TRAPPC9: variants seen among roughly 807,000 people sequenced by gnomAD.
The protein encoded by TRAPPC9 is IKK2 binding protein.
In TRAPPC9, 83 loss-of-function variants were observed where a neutral mutation model predicts 124.0. The ratio of observed to expected loss-of-function variants is 0.67; its 90% confidence interval spans 0.56 to 0.80. The LOEUF is 0.80. Ranked by LOEUF, TRAPPC9 falls within the 30% of genes least tolerant of loss-of-function variation. The pLI is 0.00. For synonymous variants in TRAPPC9, 638 were observed against 617.5 expected (o/e 1.03, Z -0.49); for missense variants, 1,302 against 1,508.3 (o/e 0.86, Z 2.27).
chr8:140,295,405 T>C (rs1172785051), intron 11 of TRAPPC9, among the ~76,000 whole-genome samples: 2 of 152,166 alleles, frequency 1.3e-5, no homozygotes, highest in African/African-American at 4.8e-5. Flanking sequence ...AGTGGGGAGC[T>C]GCAGGGCCAG....
chr8:140,123,486 G>A (rs2061025332), intron 17 of TRAPPC9, among the ~76,000 whole-genome samples: 1 of 151,892 alleles, frequency 6.6e-6, no homozygotes, highest in African/African-American at 2.4e-5. Flanking sequence ...TCCCTGCCCT[G>A]CCCTCACAGC....
intron 19 of TRAPPC9, among the ~76,000 whole-genome samples, chr8:139,966,451 G>C (rs1252192312): frequency 6.6e-6 from 1 of 152,222 alleles, no homozygotes; most frequent in Non-Finnish European, 1.5e-5. Context: ...CTGCAGCGGT[G>C]GGGCTCCTGC....
chr8:140,410,132 C>T (rs1052423959), intron 5 of TRAPPC9, among the ~76,000 whole-genome samples: 1 of 121,416 alleles, frequency 8.2e-6, no homozygotes, highest in Non-Finnish European at 1.6e-5. Flanking sequence ...GGGCATGAGA[C>T]CTTGTCTCCA....
intron 17 of TRAPPC9, among the ~76,000 whole-genome samples, chr8:140,094,147 C>T (rs1457885226): frequency 6.6e-6 from 1 of 152,170 alleles, no homozygotes; most frequent in African/African-American, 2.4e-5. Flanking sequence ...ACACCCACCA[C>T]TCTGAACTTA....
chr8:139,971,334 C>T (rs1298399434), intron 19 of TRAPPC9, among the ~76,000 whole-genome samples: 1 of 152,200 alleles, frequency 6.6e-6, no homozygotes, highest in Non-Finnish European at 1.5e-5. Flanking sequence ...GCCTCGGGAA[C>T]CCAGTGTGCT....
At chr8:140,202,226 G>C (rs768178253) in intron 17 of TRAPPC9, among the ~76,000 whole-genome samples, 4 of 148,006 alleles carry the variant, frequency 2.7e-5, no homozygotes, top group Non-Finnish European at 5.9e-5. Flanking sequence ...AATGGCATGA[G>C]AGCCAACTTA....
intron 17 of TRAPPC9, among the ~76,000 whole-genome samples, chr8:140,141,410 G>C (rs981686861): frequency 1.3e-5 from 2 of 152,142 alleles, no homozygotes; most frequent in South Asian, 4.1e-4. Context: ...TTGGTTATCA[G>C]ATTTTTTTAA....
intron 2 of TRAPPC9, among the ~76,000 whole-genome samples, chr8:140,444,938 C>T (rs1432510954): frequency 6.6e-6 from 1 of 151,510 alleles, no homozygotes; most frequent in Non-Finnish European, 1.5e-5. Context: ...GGGGTCAGCC[C>T]GGGGCCTTCC....
intron 9 of TRAPPC9, among the ~76,000 whole-genome samples, chr8:140,335,265 A>T (rs1330822214): frequency 1.3e-5 from 2 of 152,164 alleles, no homozygotes; most frequent in Non-Finnish European, 2.9e-5. Flanking sequence ...CAGGACCATG[A>T]TGTCAAGAGT....
intron 15 of TRAPPC9, among the ~76,000 whole-genome samples, chr8:140,263,054 C>A (rs1351571618): frequency 6.6e-6 from 1 of 152,174 alleles, no homozygotes; most frequent in Non-Finnish European, 1.5e-5. Context: ...AGGGCAGAGC[C>A]CTCGGTAGCA....
chr8:139,998,952 C>A, intron 18 of TRAPPC9, among the ~76,000 whole-genome samples: 1 of 152,060 alleles, frequency 6.6e-6, no homozygotes, highest in Admixed American at 6.5e-5. Context: ...ATTATACTCC[C>A]TAGAGAAAAC....
intron 21 of TRAPPC9, among the ~76,000 whole-genome samples, chr8:139,748,983 A>C (rs1019999129): frequency 2.0e-4 from 31 of 152,134 alleles, no homozygotes; most frequent in Non-Finnish European, 8.8e-5. Context: ...GGGAGACAGC[A>C]GGAGGAAGAC....
chr8:140,089,574 T>C (rs1417427611), intron 17 of TRAPPC9, among the ~76,000 whole-genome samples: 1 of 152,180 alleles, frequency 6.6e-6, no homozygotes, highest in African/African-American at 2.4e-5. Context: ...GGGGAGCTTT[T>C]CGGATTTTGG....
intron 17 of TRAPPC9, among the ~76,000 whole-genome samples, chr8:140,049,628 G>A (rs533725034): frequency 2.0e-5 from 3 of 151,502 alleles, no homozygotes; most frequent in East Asian, 3.9e-4. Flanking sequence ...TTTGCTCGTC[G>A]GTCTTTGAAA....
At chr8:140,220,950 G>T (rs894244834) in intron 17 of TRAPPC9, among the ~76,000 whole-genome samples, 4 of 152,174 alleles carry the variant, frequency 2.6e-5, no homozygotes, top group Non-Finnish European at 5.9e-5. Flanking sequence ...CGGAGCACTT[G>T]TGTAGGCCTC....
chr8:140,129,222 G>C (rs1563783267), intron 17 of TRAPPC9, among the ~76,000 whole-genome samples: 1 of 152,118 alleles, frequency 6.6e-6, no homozygotes, highest in Non-Finnish European at 1.5e-5. Context: ...TCCTGGGTGA[G>C]GCAGGGCAGG....
At chr8:140,225,045 G>A (rs923498378) in intron 16 of TRAPPC9, among the ~76,000 whole-genome samples, 5 of 152,230 alleles carry the variant, frequency 3.3e-5, no homozygotes, top group Non-Finnish European at 5.9e-5. Context: ...TATACTGTGA[G>A]GTTATACAGA....
At chr8:139,822,083 C>T (rs1351060283) in intron 21 of TRAPPC9, among the ~76,000 whole-genome samples, 1 of 152,174 alleles carries the variant, frequency 6.6e-6, no homozygotes, top group African/African-American at 2.4e-5. Context: ...CTGCAAACAG[C>T]CTTGAGGCTC....
intron 19 of TRAPPC9, among the ~76,000 whole-genome samples, chr8:139,973,543 T>C (rs1401189736): frequency 1.3e-5 from 2 of 152,230 alleles, no homozygotes; most frequent in Non-Finnish European, 2.9e-5. Flanking sequence ...AGTTGAAATG[T>C]TCCACTGCTA....
Sources: allele counts gnomAD v4.1 joint callset (sites outside exome capture counted in the v4.1 genomes callset), GRCh38; gene constraint gnomAD v4.1.1; transcripts MANE v1.5; gene names NCBI Gene and HGNC (gene_info 2026-07-23, HGNC 2026-07-21).